The following RALGAPA1 variants were observed in gnomAD, a reference collection of about 807,000 sequenced individuals.
The protein encoded by RALGAPA1 is ral GTPase-activating protein subunit alpha-1.
RALGAPA1 carries 52 observed loss-of-function variants against 269.6 expected under a neutral mutation model. That is an observed-to-expected ratio of 0.19 (90% CI 0.15 to 0.24). The LOEUF (loss-of-function observed/expected upper bound fraction) is 0.24, where lower values mean the gene tolerates loss of function less well. RALGAPA1 is among the 10% of genes least tolerant of loss of function. The pLI is 1.00. For synonymous variants in RALGAPA1, 817 were observed against 1,008.3 expected, an observed-to-expected ratio of 0.81 and a Z score of 3.60; for missense variants, 1,917 against 3,013.9, an observed-to-expected ratio of 0.64 and a Z score of 8.52.
At chr14:35,653,483 G>GT in intron 30 of RALGAPA1, among the ~76,000 whole-genome samples, 1 of 152,260 alleles carries the variant, frequency 6.6e-6, no homozygotes, top group South Asian at 2.1e-4. Flanking sequence ...AAAGCCAGGG[G>GT]TATGTTTAAG....
intron 34 of RALGAPA1, 98 bp from the exon 35 acceptor site, chr14:35,625,530 T>C (rs1022019882): frequency 5.2e-6 from 4 of 773,752 alleles, no homozygotes; most frequent in Non-Finnish European, 6.1e-6. Flanking sequence ...ACTTTTCTAC[T>C]TTTCTTGCCT....
At chr14:35,655,989 C>T in intron 28 of RALGAPA1, 74 bp from the exon 29 acceptor site, 1 of 1,603,732 alleles carries the variant, frequency 6.2e-7, no homozygotes, top group Non-Finnish European at 8.5e-7. Context: ...AATCAACTGA[C>T]ACAGAATGAA....
intron 16 of RALGAPA1, among the ~76,000 whole-genome samples, chr14:35,712,771 T>C (rs1194704941): frequency 6.7e-6 from 1 of 149,114 alleles, no homozygotes; most frequent in Non-Finnish European, 1.5e-5. Context: ...CAGTCTAAAG[T>C]GCTAAGATTA....
chr14:35,621,106 C>T (rs1202388711), intron 35 of RALGAPA1, among the ~76,000 whole-genome samples: 1 of 152,168 alleles, frequency 6.6e-6, no homozygotes, highest in Non-Finnish European at 1.5e-5. Flanking sequence ...TACCTGACTT[C>T]AAACATACTA....
chr14:35,597,677 T>C (rs112956827), intron 36 of RALGAPA1, among the ~76,000 whole-genome samples: 1 of 152,328 alleles, frequency 6.6e-6, no homozygotes, highest in African/African-American at 2.4e-5. Flanking sequence ...TGCCCTCTTA[T>C]GTGAGCCATA....
At chr14:35,626,655 T>C (rs2139600162) in intron 34 of RALGAPA1, among the ~76,000 whole-genome samples, 1 of 152,226 alleles carries the variant, frequency 6.6e-6, no homozygotes, top group African/African-American at 2.4e-5. Flanking sequence ...ACCTCATGAG[T>C]TTATTGTAAG....
chr14:35,775,744 C>T lies in RALGAPA1; in HGVS notation c.108G>A (p.Glu36=). ...TRLKHLRIVI[E]NAESIDLKQF... is the part of the protein sequence containing the mutation. ...GTTTAAGATCAATAGATTCTGCATTCTCTGAAAAATAAAAAAAAATTACTG... is the reference window on the plus strand; with the variant it reads ...GTTTAAGATCAATAGATTCTGCATTTTCTGAAAAATAAAAAAAAATTACTG... Residue 36 remains glutamate (E), a splice_region_variant and synonymous_variant, in exon 2 of 42, where the codon GAG becomes GAA. Coordinates refer to ENST00000680220, the MANE Select transcript of RALGAPA1 (RefSeq NM_001346249.2). 3.9e-6 allele frequency: 6 copies of T among 1,526,106 alleles called. No homozygotes were observed. Among genetic ancestry groups the T allele is most frequent in the Non-Finnish European group, 5.2e-6 (6 of 1,145,170 alleles). The allele number at this position is 1,526,106 out of a possible 1,614,324, so 94.5% of individuals were successfully genotyped here. A position where few individuals can be genotyped will look rare whatever the true frequency, so the allele number is the denominator to read the frequency against.
intron 31 of RALGAPA1, among the ~76,000 whole-genome samples, chr14:35,646,676 T>G (rs547934836): frequency 1.6e-4 from 25 of 152,318 alleles, no homozygotes; most frequent in African/African-American, 6.0e-4. Context: ...CTACAGGATG[T>G]TAGTGAGACA....
chr14:35,620,624 G>A (rs1462762288), intron 35 of RALGAPA1, among the ~76,000 whole-genome samples: 2 of 152,180 alleles, frequency 1.3e-5, no homozygotes, highest in East Asian at 3.9e-4. Context: ...CATCGTCTCA[G>A]CCCAAAATCT....
intron 37 of RALGAPA1, among the ~76,000 whole-genome samples, chr14:35,588,222 C>T (rs1178748854): frequency 1.3e-5 from 2 of 152,218 alleles, no homozygotes; most frequent in Admixed American, 6.5e-5. Context: ...AGCCATCGCT[C>T]CCGGCCAACA....
chr14:35,586,384 G>GTCA (rs1380183280), intron 37 of RALGAPA1, among the ~76,000 whole-genome samples: 1 of 152,196 alleles, frequency 6.6e-6, no homozygotes, highest in Non-Finnish European at 1.5e-5. Flanking sequence ...ATACAATCAT[G>GTCA]TCATCTGCAA....
chr14:35,652,383 TAC>T (rs1555390798), intron 30 of RALGAPA1, among the ~76,000 whole-genome samples: 2 of 148,792 alleles, frequency 1.3e-5, no homozygotes, highest in African/African-American at 5.0e-5. Context: ...TATATATATA[TAC>T]ACACACACAT....
chr14:35,670,531 C>T (rs28599565), intron 26 of RALGAPA1, among the ~76,000 whole-genome samples: 17,036 of 152,212 alleles, frequency 0.11, 1,562 homozygotes, highest in East Asian at 0.37. Flanking sequence ...TCTAGCTCAC[C>T]TCTGCCATTT....
At chr14:35,736,009 T>G (rs932869862) in intron 12 of RALGAPA1, among the ~76,000 whole-genome samples, 1 of 152,138 alleles carries the variant, frequency 6.6e-6, no homozygotes, top group Non-Finnish European at 1.5e-5. Context: ...ATAATCTGAC[T>G]TACATTTTAC....
At chr14:35,615,101 A>G (rs1012280841) in intron 35 of RALGAPA1, among the ~76,000 whole-genome samples, 3 of 152,156 alleles carry the variant, frequency 2.0e-5, no homozygotes, top group Admixed American at 6.5e-5. Context: ...ATAGTGAATA[A>G]TGAGGCAAAT....
chr14:35,765,747 T>C, intron 4 of RALGAPA1: 1 of 378,096 alleles, frequency 2.6e-6, no homozygotes, highest in Non-Finnish European at 4.9e-6. Flanking sequence ...CCACCCACCT[T>C]GGCCTCTCAA....
chr14:35,733,942 CAAATAAACAAAT>C (rs1350029362), intron 12 of RALGAPA1, among the ~76,000 whole-genome samples: 1 of 151,428 alleles, frequency 6.6e-6, no homozygotes, highest in South Asian at 2.1e-4. Flanking sequence ...ATTATAGCTG[CAAATAAACAAAT>C]AAATAAATAA....
intron 35 of RALGAPA1, among the ~76,000 whole-genome samples, chr14:35,612,975 G>C (rs1459096778): frequency 6.6e-6 from 1 of 151,786 alleles, no homozygotes; most frequent in African/African-American, 2.4e-5. Context: ...TACAGAATGA[G>C]AAAAAAATTG....
intron 16 of RALGAPA1, among the ~76,000 whole-genome samples, chr14:35,710,501 G>A (rs1344881813): frequency 6.6e-6 from 1 of 152,142 alleles, no homozygotes; most frequent in African/African-American, 2.4e-5. Flanking sequence ...CAGGTGATCT[G>A]CCCTCCTTGG....
Sources: gnomAD v4.1 joint callset for allele counts (sites outside exome capture counted in the v4.1 genomes callset) on GRCh38, gnomAD v4.1.1 for gene constraint, MANE v1.5 for transcripts, NCBI Gene and HGNC (gene_info 2026-07-23, HGNC 2026-07-21) for gene names.